The following UBE2V1 variants were observed in gnomAD, a reference collection of about 807,000 sequenced individuals.
UBE2V1 encodes ubiquitin conjugating enzyme E2 V1, also known as ubiquitin-conjugating enzyme E2 variant 1.
UBE2V1 carries 15 observed loss-of-function variants against 19.6 expected under a neutral mutation model. That is an observed-to-expected ratio of 0.77 (90% confidence interval 0.51 to 1.18). The LOEUF (loss-of-function observed/expected upper bound fraction) is 1.18, where lower values mean the gene tolerates loss of function less well. Ranked by LOEUF, UBE2V1 falls within the 50% of genes most tolerant of loss-of-function variation. The probability of loss-of-function intolerance (pLI) is 0.00; values close to 1 mark genes in which losing one functional copy is unlikely to be tolerated. For missense variants in UBE2V1, 125 were observed against 184.8 expected, an observed-to-expected ratio of 0.68 and a Z score of 1.88; for synonymous variants, 60 against 60.7, an observed-to-expected ratio of 0.99 and a Z score of 0.05.
At chr20:50,103,562 C>A (rs976363606) in intron 1 of UBE2V1, among the ~76,000 whole-genome samples, 2 of 152,054 alleles carry the variant, frequency 1.3e-5, no homozygotes, top group Admixed American at 1.3e-4. Context: ...CCTGCCACCA[C>A]GCCCAGCTAA....
chr20:50,083,969 A>G (rs2078761055), intron 3 of UBE2V1, 160 bp downstream of exon 3: 2 of 1,157,934 alleles, frequency 1.7e-6, no homozygotes, highest in Non-Finnish European at 1.2e-6. Context: ...TAATTGGGAA[A>G]CAGGCCCCAT....
At chr20:50,100,674 A>G (rs1461150497) in intron 1 of UBE2V1, among the ~76,000 whole-genome samples, 4 of 152,232 alleles carry the variant, frequency 2.6e-5, no homozygotes, top group African/African-American at 9.6e-5. Flanking sequence ...TGGAAGCTGT[A>G]TTACACAAGT....
upstream of UBE2V1, chr20:50,115,380 T>C: frequency 7.3e-7 from 1 of 1,372,446 alleles, no homozygotes; most frequent in Non-Finnish European, 9.5e-7. Context: ...TATCACGTGA[T>C]ACAAGTTTGC....
intron 1 of UBE2V1, among the ~76,000 whole-genome samples, chr20:50,101,776 A>G (rs1452163507): frequency 2.6e-5 from 4 of 152,144 alleles, no homozygotes; most frequent in Admixed American, 6.5e-5. Context: ...TGAACAAAAT[A>G]AAAACTGGGG....
intron 2 of UBE2V1, 175 bp from the exon 3 acceptor site, chr20:50,084,429 T>C (rs996331503): frequency 8.6e-7 from 1 of 1,165,280 alleles, no homozygotes; most frequent in African/African-American, 1.5e-5. Context: ...CACTAGTTTA[T>C]ATGACTTCCG....
intron 1 of UBE2V1, 60 bp from the exon 2 acceptor site, chr20:50,096,880 G>C: frequency 1.3e-6 from 2 of 1,598,570 alleles, no homozygotes; most frequent in Admixed American, 1.8e-5. Flanking sequence ...TGTAAGCCTA[G>C]AGCTAGCTGC....
intron 1 of UBE2V1, chr20:50,108,951 G>T: frequency 3.0e-6 from 3 of 985,430 alleles, no homozygotes; most frequent in Non-Finnish European, 3.6e-6. Flanking sequence ...GACTTAGGAA[G>T]AACATATCCC....
At chr20:50,083,405 G>C (rs1378236866) in intron 3 of UBE2V1, among the ~76,000 whole-genome samples, 2 of 152,220 alleles carry the variant, frequency 1.3e-5, no homozygotes, top group African/African-American at 4.8e-5. Context: ...CCAAAGCACA[G>C]GTTGAGCTCT....
intron 1 of UBE2V1, chr20:50,104,373 C>G: frequency 1.0e-6 from 1 of 982,856 alleles, no homozygotes; most frequent in East Asian, 1.2e-4. Flanking sequence ...AATTAACATA[C>G]CTGGCTGGGC....
At chr20:50,083,979 T>C in intron 3 of UBE2V1, 150 bp downstream of exon 3, 1 of 1,270,594 alleles carries the variant, frequency 7.9e-7, no homozygotes, top group Non-Finnish European at 1.1e-6. Flanking sequence ...ACAGGCCCCA[T>C]CCCAAATCTG....
At chr20:50,087,660 C>G (rs2078999667) in intron 2 of UBE2V1, among the ~76,000 whole-genome samples, 5 of 152,162 alleles carry the variant, frequency 3.3e-5, no homozygotes, top group Admixed American at 3.3e-4. Context: ...TGCTCATCAA[C>G]ATGTGAAATG....
chr20:50,113,254 A>ACGACC, upstream of UBE2V1: 3 of 707,174 alleles, frequency 4.2e-6, no homozygotes, highest in Non-Finnish European at 6.0e-6. Context: ...GGAGACCTGC[A>ACGACC]CGACCCGTGG....
chr20:50,096,427 A>G, intron 2 of UBE2V1: 2 of 915,510 alleles, frequency 2.2e-6, no homozygotes, highest in African/African-American at 1.7e-5. Flanking sequence ...TTCACACCTC[A>G]CTGTCTACAT....
Position 50,081,762 on chromosome 20 carries a change from C to A in UBE2V1, c.*1006G>T. On this transcript the variant is annotated 3_prime_UTR_variant, in exon 4 of 4. Coordinates refer to ENST00000371674, the MANE Select transcript of UBE2V1 (RefSeq NM_001032288.3). ...TCTTCATGCGGTCTTTCTCCAAGTTCAACCACCAAGGACTCCGAGAGCTGG... is the reference window on the plus strand; with the variant it reads ...TCTTCATGCGGTCTTTCTCCAAGTTAAACCACCAAGGACTCCGAGAGCTGG... 1 of 231,502 alleles carries A rather than the reference C, an allele frequency of 4.3e-6. No homozygotes were observed. Among genetic ancestry groups the A allele is most frequent in the South Asian group, 1.7e-4 (1 of 6,058 alleles). 14.3% of individuals were successfully genotyped at this position (231,502 alleles called of 1,614,324 possible).
chr20:50,084,728 C>A (rs1037343582), intron 2 of UBE2V1: 1 of 369,204 alleles, frequency 2.7e-6, no homozygotes. Context: ...GGTGCAGACT[C>A]AGAGCTGCTT....
chr20:50,114,128 G>A (rs528992744), upstream of UBE2V1, among the ~76,000 whole-genome samples: 5 of 152,180 alleles, frequency 3.3e-5, no homozygotes, highest in East Asian at 9.7e-4. Flanking sequence ...ACCCAAGAAG[G>A]TACTCCTCCT....
intron 1 of UBE2V1, among the ~76,000 whole-genome samples, chr20:50,103,834 T>C (rs2080168618): frequency 6.6e-6 from 1 of 152,046 alleles, no homozygotes; most frequent in Non-Finnish European, 1.5e-5. Flanking sequence ...GTATGTTTTC[T>C]TTACATTTGA....
At chr20:50,111,154 G>A (rs2080726510) in intron 1 of UBE2V1, 3 of 711,256 alleles carry the variant, frequency 4.2e-6, no homozygotes, top group African/African-American at 1.9e-5. Context: ...ACAGACAAAA[G>A]AATTTTGGGA....
chr20:50,101,644 T>C (rs1021803481), intron 1 of UBE2V1, among the ~76,000 whole-genome samples: 10 of 152,164 alleles, frequency 6.6e-5, no homozygotes, highest in African/African-American at 2.2e-4. Context: ...CTTGGCTTTT[T>C]ACCTGCTTGT....
Sources: gnomAD v4.1 joint callset for allele counts (sites outside exome capture counted in the v4.1 genomes callset) on GRCh38, gnomAD v4.1.1 for gene constraint, MANE v1.5 for transcripts, NCBI Gene and HGNC (gene_info 2026-07-23, HGNC 2026-07-21) for gene names.